The following RASA3 variants were observed in gnomAD, a reference collection of about 807,000 sequenced individuals.
RASA3 encodes RAS p21 protein activator 3, also known as ras GTPase-activating protein 3.
RASA3 carries 73 observed loss-of-function variants against 110.0 expected under a neutral mutation model. That is an observed-to-expected ratio of 0.66 (90% CI 0.55 to 0.81). The LOEUF (loss-of-function observed/expected upper bound fraction) is 0.81, where lower values mean the gene tolerates loss of function less well. RASA3 is among the 30% of genes least tolerant of loss of function. RASA3 has a pLI of 0.00. For synonymous variants in RASA3, 500 were observed against 451.4 expected (o/e 1.11, Z -1.37); for missense variants, 976 against 1,113.2 (o/e 0.88, Z 1.75).
intron 1 of RASA3, among the ~76,000 whole-genome samples, chr13:114,113,161 T>C (rs2080240123): frequency 6.6e-6 from 1 of 152,198 alleles, no homozygotes; most frequent in Non-Finnish European, 1.5e-5. Context: ...TCCTGGGCTG[T>C]TTCCACGGAT....
chr13:114,076,600 G>A (rs1010905455), intron 1 of RASA3, among the ~76,000 whole-genome samples: 8 of 152,244 alleles, frequency 5.3e-5, no homozygotes, highest in African/African-American at 1.9e-4. Context: ...GGCACACGCA[G>A]GCAGGGTGTG....
At position 114,073,855 on chromosome 13, in the gene RASA3, C is replaced by G; in HGVS notation, c.56-18G>C. 1.9e-6 allele frequency: 3 copies of G among 1,572,058 alleles called. No individual in the cohort carries two copies. The highest frequency in any genetic ancestry group is 2.2e-5 in the South Asian group (2 of 90,254). ...GGCTTCACCTAAAAAGTAAAAGCGA[C>G]ATACATCATCAGCAGCGTAGAAATG... On this transcript the variant is annotated intron_variant, in intron 1 of 23. Transcript: ENST00000334062.
intron 9 of RASA3, among the ~76,000 whole-genome samples, chr13:114,019,654 G>A (rs1201731778): frequency 4.0e-5 from 6 of 151,376 alleles, no homozygotes; most frequent in African/African-American, 1.2e-4. Context: ...GCCTGTGTCC[G>A]AGGCATTAGA....
At position 114,073,037 on chromosome 13, in the gene RASA3, G is replaced by A. The variant is rs141639427; in HGVS notation, c.173+683C>T. 8.1e-3 allele frequency among the ~76,000 whole-genome samples: 1,202 copies of A among 148,830 alleles called. 9 individuals are homozygous for A. Among genetic ancestry groups the A allele is most frequent in the Non-Finnish European group, 0.014 (934 of 67,308 alleles). ...AAATGGGACGGTGATGTCCACGCTC[G>A]GGACATTGTCTACACACAGAAAAAT... On this transcript the variant is annotated intron_variant, in intron 2 of 23. Transcript: ENST00000334062.
At chr13:114,004,475 TG>T in intron 18 of RASA3, among the ~76,000 whole-genome samples, 1 of 151,854 alleles carries the variant, frequency 6.6e-6, no homozygotes, top group South Asian at 2.1e-4. Flanking sequence ...AAGCCCAGCG[TG>T]GCTCATCACC....
chr13:114,012,123 C>T (rs1440741245), intron 15 of RASA3, among the ~76,000 whole-genome samples: 1 of 151,998 alleles, frequency 6.6e-6, no homozygotes, highest in Non-Finnish European at 1.5e-5. Context: ...GGATGATACG[C>T]CGATCATCAA....
intron 1 of RASA3, chr13:114,077,948 A>T: frequency 1.0e-6 from 1 of 984,936 alleles, no homozygotes. Context: ...CATCACCTCC[A>T]AGGCACTGGT....
chr13:113,999,724 G>C, intron 19 of RASA3, 57 bp from the exon 20 acceptor site: 1 of 1,490,816 alleles, frequency 6.7e-7, no homozygotes, highest in East Asian at 2.3e-5. Flanking sequence ...GCTGGGGTCC[G>C]GGTGGGGCTG....
chr13:113,979,352 T>C lies in RASA3; in HGVS notation c.2500A>G (p.Ile834Val). 1 of 1,595,194 alleles carries C rather than the reference T, an allele frequency of 6.3e-7. No homozygotes were observed. Among genetic ancestry groups the C allele is most frequent in the Non-Finnish European group, 8.6e-7 (1 of 1,163,058 alleles). Residue 834 changes from isoleucine (I) to valine (V), a missense_variant, in exon 24 of 24, where the codon ATT (isoleucine) becomes GTT (valine). Around this residue, in one of 4 missense-constraint regions of RASA3, gnomAD observed 132 missense variants for 152.8 expected, o/e 0.86. Coordinates refer to ENST00000334062, the MANE Select transcript of RASA3 (RefSeq NM_007368.4). The part of the protein sequence containing the change: ...RQQSETSTHS[I>V] ...CTGGGCGCGTCCCGCAGACTTTAAA[T>C]GGAATGAGTGGAGGTCTCGGACTGC...
At chr13:113,993,828 A>AG (rs2053174808) in intron 21 of RASA3, among the ~76,000 whole-genome samples, 1 of 80,462 alleles carries the variant, frequency 1.2e-5, no homozygotes. Flanking sequence ...AAAAAAAAAA[A>AG]AAAGAAAAGA....
intron 23 of RASA3, among the ~76,000 whole-genome samples, 192 bp from the exon 24 acceptor site, chr13:113,979,614 G>A (rs1274186807): frequency 6.6e-6 from 1 of 152,130 alleles, no homozygotes; most frequent in Non-Finnish European, 1.5e-5. Context: ...TGCACAGGTG[G>A]GTCAGGCGTG....
chr13:114,017,205 G>C, intron 12 of RASA3, 32 bp downstream of exon 12: 1 of 1,574,722 alleles, frequency 6.4e-7, no homozygotes, highest in Non-Finnish European at 8.7e-7. Flanking sequence ...CCCACGCCTC[G>C]TGAGGCTGAG....
chr13:114,098,683 G>A (rs1472614722), intron 1 of RASA3, among the ~76,000 whole-genome samples: 3 of 152,088 alleles, frequency 2.0e-5, no homozygotes, highest in East Asian at 3.9e-4. Context: ...GAGTCCAGAG[G>A]AGAGACCAGC....
intron 1 of RASA3, among the ~76,000 whole-genome samples, chr13:114,074,848 G>T (rs1023160215): frequency 2.6e-5 from 4 of 152,252 alleles, no homozygotes; most frequent in Admixed American, 2.0e-4. Flanking sequence ...TTCTCTGCTG[G>T]AAGCTCGGAG....
intron 16 of RASA3, among the ~76,000 whole-genome samples, chr13:114,010,809 G>GGAGGGGGCCGCGAGGGGAGGAGAGGGC (rs1245001410): frequency 6.7e-6 from 1 of 149,206 alleles, no homozygotes; most frequent in African/African-American, 2.5e-5. Flanking sequence ...CGCGAGGGGA[G>GGAGGGGGCCGCGAGGGGAGGAGAGGGC]TAGGGGGCTG....
intron 2 of RASA3, among the ~76,000 whole-genome samples, chr13:114,055,999 C>T (rs1417230393): frequency 1.3e-5 from 2 of 152,246 alleles, no homozygotes; most frequent in African/African-American, 4.8e-5. Flanking sequence ...TTGGCACAAA[C>T]TCCAGCAGCC....
chr13:114,041,246 C>A, intron 3 of RASA3, 152 bp from the exon 4 acceptor site: 15 of 690,256 alleles, frequency 2.2e-5, no homozygotes, highest in South Asian at 2.0e-4. Context: ...ATGCCTGGAA[C>A]CCCCACGCTT....
intron 20 of RASA3, among the ~76,000 whole-genome samples, chr13:113,997,102 C>T (rs968237426): frequency 2.0e-5 from 3 of 152,220 alleles, no homozygotes; most frequent in African/African-American, 4.8e-5. Context: ...CAAGGCCCTC[C>T]TGCAGCTGAC....
Position 114,009,396 on chromosome 13 carries a change from C to T in RASA3, c.1659G>A (p.Ala553=), listed in dbSNP as rs751710637. 8.7e-6 allele frequency: 14 copies of T among 1,611,670 alleles called. No individual in the cohort carries two copies. The highest frequency in any genetic ancestry group is 4.4e-5 in the South Asian group (4 of 91,046). Residue 553 remains alanine, a synonymous_variant, in exon 17 of 24, where the codon GCG becomes GCA. Coordinates refer to ENST00000334062, the MANE Select transcript of RASA3 (RefSeq NM_007368.4). ...EFFNEQKYAD[A]VKNFLDLISS... is the part of the protein sequence containing the mutation. Reference sequence around the variant, plus strand: ...GTGAGTCGATACTTACGTTCTTCACCGCATCAGCATATTTCTGCTCATTGA... The same window carrying T: ...GTGAGTCGATACTTACGTTCTTCACTGCATCAGCATATTTCTGCTCATTGA...
Sources: allele counts gnomAD v4.1 joint callset (sites outside exome capture counted in the v4.1 genomes callset), GRCh38; gene constraint gnomAD v4.1.1; regional missense constraint gnomAD v4.1.1; transcripts MANE v1.5; gene names NCBI Gene and HGNC (gene_info 2026-07-23, HGNC 2026-07-21).